Variants in A2ML1 observed in about 807,000 individuals in gnomAD.
A2ML1 encodes alpha-2-macroglobulin like 1, also known as alpha-2-macroglobulin-like protein 1.
Under a neutral mutation model 181.9 loss-of-function variants are expected in A2ML1, and 161 were observed. That is an observed-to-expected ratio of 0.89 (90% CI 0.78 to 1.01). A2ML1 has a LOEUF of 1.01. Among genes scored for constraint, A2ML1 ranks in the 50% least tolerant of loss-of-function variants. The pLI, the probability that A2ML1 is intolerant of heterozygous loss-of-function variation, is 0.00. For synonymous variants in A2ML1, 663 were observed against 666.8 expected (o/e 0.99, Z 0.09); for missense variants, 1,670 against 1,768.1 (o/e 0.94, Z 1.00).
chr12:8,882,328 C>T (rs1196926898), intron 7 of A2ML1, among the ~76,000 whole-genome samples: 2 of 152,180 alleles, frequency 1.3e-5, no homozygotes, highest in Non-Finnish European at 1.5e-5. Flanking sequence ...CTCCTACCTC[C>T]CCCTTGAATC....
At chr12:8,845,976 A>G (rs1390916306) in intron 13 of A2ML1, 101 bp from the exon 14 acceptor site, 4 of 1,334,992 alleles carry the variant, frequency 3.0e-6, no homozygotes, top group South Asian at 1.5e-5. Flanking sequence ...AACTTGCACC[A>G]TGGTGCCTGC....
intron 21 of A2ML1, 105 bp downstream of exon 21, chr12:8,854,354 G>T: frequency 1.4e-6 from 2 of 1,464,438 alleles, no homozygotes; most frequent in Non-Finnish European, 1.8e-6. Context: ...AGTCCAACCA[G>T]GCAGCTTCAA....
intron 18 of A2ML1, among the ~76,000 whole-genome samples, chr12:8,850,528 A>G (rs1943853797): frequency 6.6e-6 from 1 of 152,148 alleles, no homozygotes; most frequent in Non-Finnish European, 1.5e-5. Context: ...AAGCAAGATC[A>G]CATTGCTTCA....
At chr12:8,862,629 C>T (rs941341478) in intron 28 of A2ML1, among the ~76,000 whole-genome samples, 1 of 152,208 alleles carries the variant, frequency 6.6e-6, no homozygotes, top group Non-Finnish European at 1.5e-5. Context: ...GCAGTCTCAG[C>T]CTTCATTTAT....
chr12:8,869,091 G>A, intron 32 of A2ML1, 44 bp from the exon 33 acceptor site: 1 of 1,592,806 alleles, frequency 6.3e-7, no homozygotes, highest in Non-Finnish European at 8.6e-7. Context: ...CCCCAGGGAA[G>A]GCTCTGGCTC....
chr12:8,886,010 TCACACACACACACACACA>T (rs35294269), intron 7 of A2ML1, among the ~76,000 whole-genome samples: 1 of 144,894 alleles, frequency 6.9e-6, no homozygotes, highest in Non-Finnish European at 1.5e-5. Flanking sequence ...CAACAATATC[TCACACACACACACACACA>T]CACACACACA....
chr12:8,883,931 G>T (rs1207004437), intron 7 of A2ML1, among the ~76,000 whole-genome samples: 1 of 151,956 alleles, frequency 6.6e-6, no homozygotes, highest in Non-Finnish European at 1.5e-5. Context: ...GACTACAGGC[G>T]CCCGCCAACA....
intron 26 of A2ML1, among the ~76,000 whole-genome samples, chr12:8,858,763 T>C (rs1248522724): frequency 6.6e-6 from 1 of 152,104 alleles, no homozygotes; most frequent in Non-Finnish European, 1.5e-5. Context: ...CAAGCCCTCC[T>C]GATTATTCTG....
intron 29 of A2ML1, 51 bp from the exon 30 acceptor site, chr12:8,867,791 A>T: frequency 6.5e-7 from 1 of 1,529,866 alleles, no homozygotes; most frequent in Non-Finnish European, 9.0e-7. Context: ...GTTCAAGGTT[A>T]ATTCCAATGG....
At chr12:8,861,020 C>T (rs1944241687) in intron 27 of A2ML1, 65 bp downstream of exon 27, 1 of 1,603,684 alleles carries the variant, frequency 6.2e-7, no homozygotes, top group Non-Finnish European at 8.5e-7. Context: ...AGACATTCAC[C>T]CATCTTTGTC....
intron 15 of A2ML1, 152 bp from the exon 16 acceptor site, chr12:8,848,568 A>G: frequency 1.7e-6 from 1 of 589,536 alleles, no homozygotes; most frequent in Non-Finnish European, 2.8e-6. Context: ...ACAGTGAGAA[A>G]GGTAATTATG....
At chr12:8,822,752 G>A (rs749943066) in intron 1 of A2ML1, 39 bp downstream of exon 1, 20 of 1,595,966 alleles carry the variant, frequency 1.3e-5, no homozygotes, top group Middle Eastern at 1.7e-4. Flanking sequence ...TTAGGGCAGC[G>A]GCTTCTTCGC....
Position 8,868,684 on chromosome 12 carries a change from T to C in A2ML1, c.4152+57T>C. 2.7e-6 allele frequency: 4 copies of C among 1,497,300 alleles called. No individual in the cohort carries two copies. The Admixed American group carries it at 5.7e-5, about 21-fold the overall frequency. 92.8% of individuals were successfully genotyped at this position (1,497,300 alleles called of 1,614,324 possible). A position where few individuals can be genotyped will look rare whatever the true frequency, so the allele number is the denominator to read the frequency against. On this transcript the variant is annotated intron_variant, in intron 32 of 35. Transcript: ENST00000299698. ...GCTGTGAGGGGACCTAACGTTATAA[T>C]TTAAAAAACTGGTAAAATGGGCATC... is the stretch of plus-strand genomic sequence containing the variant.
intron 8 of A2ML1, among the ~76,000 whole-genome samples, 177 bp from the exon 9 acceptor site, chr12:8,838,159 G>C (rs1943349460): frequency 6.6e-6 from 1 of 152,164 alleles, no homozygotes; most frequent in South Asian, 2.1e-4. Context: ...GAGCTTCAAA[G>C]TCATTTCATG....
At chr12:8,883,194 GGGT>G (rs1484991090) in intron 7 of A2ML1, among the ~76,000 whole-genome samples, 1 of 152,008 alleles carries the variant, frequency 6.6e-6, no homozygotes, top group Non-Finnish European at 1.5e-5. Context: ...TTACCAAGCT[GGGT>G]TCCTGTTTTC....
At chr12:8,844,678 T>C (rs909088416) in intron 12 of A2ML1, among the ~76,000 whole-genome samples, 2 of 151,448 alleles carry the variant, frequency 1.3e-5, no homozygotes, top group Admixed American at 6.6e-5. Context: ...GTAGCTTCCA[T>C]GGTTTCAGTG....
At position 8,858,149 on chromosome 12, in the gene A2ML1, C is replaced by T. The variant is rs184698806; in HGVS notation, c.3264+47C>T. 5.7e-6 allele frequency: 9 copies of T among 1,586,338 alleles called. No individual in the cohort carries two copies. The East Asian group carries it at 2.0e-4, about 36-fold the overall frequency. On this transcript the variant is annotated intron_variant, in intron 26 of 35. Coordinates refer to ENST00000299698, the MANE Select transcript of A2ML1 (RefSeq NM_144670.6). ...TGCAGCCAACCACTGTCTCGAAGGA[C>T]CCCACACCTCTGACCGAGTAGAAGC...
Position 8,869,153 on chromosome 12 carries a change from G to A in A2ML1, c.4171G>A (p.Val1391Met). The A allele has an allele frequency of 1.2e-6, 2 of 1,614,064 alleles. No individual in the cohort carries two copies. Among genetic ancestry groups the A allele is most frequent in the Non-Finnish European group, 1.7e-6 (2 of 1,180,014 alleles). The part of the protein sequence containing the change: ...TNQLLLQQPL[V>M]KKVEFGTDTL... ...TATTCAGCTTCTCCAGCAACCCCTG[G>A]TGAAGAAGGTTGAATTTGGAACTGA... is the stretch of plus-strand genomic sequence containing the variant. The change falls in exon 33 of 36, where the codon GTG becomes ATG. Residue 1391 changes from valine (V) to methionine (M), a missense_variant. By Grantham distance (21) the Val-to-Met change is conservative. Transcript: ENST00000299698.
At chr12:8,828,466 T>C (rs1334568656) in intron 3 of A2ML1, among the ~76,000 whole-genome samples, 1 of 152,110 alleles carries the variant, frequency 6.6e-6, no homozygotes, top group African/African-American at 2.4e-5. Context: ...TTGTGGTGAA[T>C]GGTGCCTGGC....
Sources: gnomAD v4.1 joint callset for allele counts (sites outside exome capture counted in the v4.1 genomes callset) on GRCh38, gnomAD v4.1.1 for gene constraint, MANE v1.5 for transcripts, NCBI Gene and HGNC (gene_info 2026-07-23, HGNC 2026-07-21) for gene names.